The following ZNF197 variants were observed in gnomAD, a reference collection of about 807,000 sequenced individuals.
The protein encoded by ZNF197 is zinc finger protein 197, also known as VHL-associated KRAB-A domain-containing protein.
Under a neutral mutation model 27.4 loss-of-function variants are expected in ZNF197, and 14 were observed. The observed-to-expected ratio is 0.51, with a 90% CI of 0.34 to 0.80. ZNF197 has a LOEUF of 0.80. ZNF197 is among the 30% of genes least tolerant of loss of function. ZNF197 has a pLI of 0.02. For missense variants in ZNF197, 1,090 were observed against 1,222.6 expected (o/e 0.89, Z 1.62); for synonymous variants, 415 against 420.0 (o/e 0.99, Z 0.15).
chr3:44,628,453 G>C (rs1234689085), intron 1 of ZNF197, among the ~76,000 whole-genome samples: 1 of 152,136 alleles, frequency 6.6e-6, no homozygotes, highest in Non-Finnish European at 1.5e-5. Context: ...AGAATTAAAG[G>C]CATGTAGAGC....
Position 44,643,885 on chromosome 3 carries a change from G to A in ZNF197, c.2755G>A (p.Val919Ile). Reference protein sequence around the residue: ...KDFSQNKNLVVHQRMHTGEKP... With the variant: ...KDFSQNKNLVIHQRMHTGEKP... ...CTTTAGTCAGAATAAAAACCTTGTT[G>A]TACATCAGAGAATGCACACTGGGGA... The change falls in exon 6 of 6, where the codon GTA becomes ATA. Residue 919 changes from valine to isoleucine, a missense_variant. Coordinates refer to ENST00000344387, the MANE Select transcript of ZNF197 (RefSeq NM_006991.5). 6.2e-7 allele frequency: 1 copy of A among 1,613,758 alleles called. No homozygotes were observed. The highest frequency in any genetic ancestry group is 8.5e-7 in the Non-Finnish European group (1 of 1,179,918).
intron 3 of ZNF197, among the ~76,000 whole-genome samples, chr3:44,631,854 C>T (rs1702025712): frequency 1.3e-5 from 2 of 152,140 alleles, no homozygotes; most frequent in South Asian, 4.1e-4. Context: ...GCACGTGCCA[C>T]CACGCCCAGC....
Position 44,644,488 on chromosome 3 carries a change from A to C in ZNF197, c.*268A>C, listed in dbSNP as rs1702835629. ...ACCCCATCTCTACTAAAATACAAAA[A>C]TTATCCGGGCATGGGGGCACACACC... On this transcript the variant is annotated 3_prime_UTR_variant, in exon 6 of 6. Coordinates refer to ENST00000344387, the MANE Select transcript of ZNF197 (RefSeq NM_006991.5). 1.2e-6 allele frequency: 1 copy of C among 868,802 alleles called. No individual in the cohort carries two copies. 53.8% of individuals were successfully genotyped at this position (868,802 alleles called of 1,614,324 possible).
Position 44,647,343 on chromosome 3 carries a change from T to C in ZNF197, c.*3123T>C, listed in dbSNP as rs1245562021. Reference sequence around the variant, plus strand: ...AAGGATGAAGAGAAACAGGATCTCATACATTGCTGGGAATGTAAAATGGTA... The same window carrying C: ...AAGGATGAAGAGAAACAGGATCTCACACATTGCTGGGAATGTAAAATGGTA... On this transcript the variant is annotated 3_prime_UTR_variant, in exon 6 of 6. Transcript: ENST00000344387. The C allele has an allele frequency of 1.3e-5, 2 of 152,084 alleles. No homozygotes were observed. Among genetic ancestry groups the C allele is most frequent in the African/African-American group, 2.4e-5 (1 of 41,432 alleles). 9.4% of individuals were successfully genotyped at this position (152,084 alleles called of 1,614,324 possible).
intron 5 of ZNF197, among the ~76,000 whole-genome samples, chr3:44,634,162 T>C (rs1702152758): frequency 6.6e-6 from 1 of 152,224 alleles, no homozygotes; most frequent in Non-Finnish European, 1.5e-5. Context: ...GCTAGGTAGA[T>C]GAAGAATACC....
In ZNF197 at chr3:44,640,045, C is replaced by T. The variant is rs923296075; in HGVS notation, c.770-1855C>T. Reference sequence around the variant, plus strand: ...GGCATGGATTAGGGCAGATGAAAGGCGGGGGGTGTCAGTGGTAGGAAAGCC... The same window carrying T: ...GGCATGGATTAGGGCAGATGAAAGGTGGGGGGTGTCAGTGGTAGGAAAGCC... On this transcript the variant is annotated intron_variant, in intron 5 of 5. Coordinates refer to ENST00000344387, the MANE Select transcript of ZNF197 (RefSeq NM_006991.5). The surrounding 1 kb of genome is among the most constrained non-coding windows in gnomAD (Gnocchi z 4.0). Among the ~76,000 whole-genome samples, 2 of 152,036 alleles carry T rather than the reference C, an allele frequency of 1.3e-5. No individual in the cohort carries two copies. The highest frequency in any genetic ancestry group is 2.9e-5 in the Non-Finnish European group (2 of 68,010).
chr3:44,634,076 C>T (rs1702147257), intron 5 of ZNF197, among the ~76,000 whole-genome samples: 1 of 152,138 alleles, frequency 6.6e-6, no homozygotes, highest in African/African-American at 2.4e-5. Flanking sequence ...ATTAAACTCC[C>T]ACAGAAAGAA....
In ZNF197 at chr3:44,642,803, G is replaced by A. The variant is rs767682599; in HGVS notation, c.1673G>A (p.Arg558Gln). 52 of 1,613,446 alleles carry A rather than the reference G, an allele frequency of 3.2e-5. No homozygotes were observed. The highest frequency in any genetic ancestry group is 5.0e-5 in the Admixed American group (3 of 59,920). The change falls in exon 6 of 6, where the codon CGA becomes CAA. Residue 558 changes from arginine (R) to glutamine (Q), a missense_variant. By Grantham distance (43) the Arg-to-Gln change is conservative (BLOSUM62 1). Coordinates refer to ENST00000344387, the MANE Select transcript of ZNF197 (RefSeq NM_006991.5). Reference sequence around the variant, plus strand: ...ACCACTTATCTTATTGACCATCAGCGACTCCACAGTGCAGAGAACCCTTAC... The same window carrying A: ...ACCACTTATCTTATTGACCATCAGCAACTCCACAGTGCAGAGAACCCTTAC... Reference protein sequence around the residue: ...AQTTYLIDHQRLHSAENPYKC... With the variant: ...AQTTYLIDHQQLHSAENPYKC...
Position 44,643,895 on chromosome 3 carries a change from G to C in ZNF197, c.2765G>C (p.Arg922Thr). The C allele has an allele frequency of 6.2e-7, 1 of 1,613,872 alleles. No individual in the cohort carries two copies. Among genetic ancestry groups the C allele is most frequent in the Non-Finnish European group, 8.5e-7 (1 of 1,179,936 alleles). The part of the protein sequence containing the change: ...SQNKNLVVHQ[R>T]MHTGEKPYEC... ...AATAAAAACCTTGTTGTACATCAGA[G>C]AATGCACACTGGGGAAAAACCTTAT... The change falls in exon 6 of 6, where the codon AGA becomes ACA. Residue 922 changes from arginine to threonine, a missense_variant. Coordinates refer to ENST00000344387, the MANE Select transcript of ZNF197 (RefSeq NM_006991.5).
In ZNF197 at chr3:44,645,804, G is replaced by A. The variant is rs1185266343; in HGVS notation, c.*1584G>A. On this transcript the variant is annotated 3_prime_UTR_variant, in exon 6 of 6. Transcript: ENST00000344387. ...TGGAGCCAAGCTCTTCACTGATTAA[G>A]CCAGTGCAGAATCCACTTGTGGGCA... The A allele has an allele frequency of 1.0e-6, 1 of 985,288 alleles. No homozygotes were observed. The highest frequency in any genetic ancestry group is 1.2e-6 in the Non-Finnish European group (1 of 829,942). The allele number at this position is 985,288 out of a possible 1,614,324, so 61.0% of individuals were successfully genotyped here.
rs994810969 is a variant in ZNF197 at position 44,642,188 on chromosome 3, T to C, written c.1058T>C (p.Phe353Ser). Residue 353 changes from phenylalanine (F) to serine (S), a missense_variant, in exon 6 of 6, where the codon TTC becomes TCC. Physicochemically the swap from Phe to Ser is radical, Grantham distance 155 (BLOSUM62 -2). Coordinates refer to ENST00000344387, the MANE Select transcript of ZNF197 (RefSeq NM_006991.5). Reference sequence around the variant, plus strand: ...AAGGAATTAGGAGACAGCTTGACTTTCGGTTCAGCTATTTCTGAAAGTTTA... The same window carrying C: ...AAGGAATTAGGAGACAGCTTGACTTCCGGTTCAGCTATTTCTGAAAGTTTA... ...KWKELGDSLT[F>S]GSAISESLIG... 6.2e-7 allele frequency: 1 copy of C among 1,614,178 alleles called. No individual in the cohort carries two copies. Among genetic ancestry groups the C allele is most frequent in the African/African-American group, 1.3e-5 (1 of 75,066 alleles).
At chr3:44,636,821 C>T (rs1455434198) in intron 5 of ZNF197, among the ~76,000 whole-genome samples, 3 of 152,178 alleles carry the variant, frequency 2.0e-5, no homozygotes, top group South Asian at 2.1e-4. Flanking sequence ...ACACTCCTTC[C>T]AGCAGCGTAT....
At chr3:44,633,030 G>T (rs2125803451) in intron 5 of ZNF197, among the ~76,000 whole-genome samples, 1 of 152,062 alleles carries the variant, frequency 6.6e-6, no homozygotes, top group East Asian at 1.9e-4. Context: ...ATTTTTAGAG[G>T]TACAATTACT....
At chr3:44,635,840 G>C (rs1233220876) in intron 5 of ZNF197, among the ~76,000 whole-genome samples, 1 of 152,162 alleles carries the variant, frequency 6.6e-6, no homozygotes, top group Non-Finnish European at 1.5e-5. Flanking sequence ...TGGAAGGATT[G>C]GGACAGTGGG....
intron 5 of ZNF197, among the ~76,000 whole-genome samples, chr3:44,636,525 TC>T (rs1702299102): frequency 6.6e-6 from 1 of 152,328 alleles, no homozygotes; most frequent in Admixed American, 6.5e-5. Flanking sequence ...GCATAGTATT[TC>T]TAAGGCTCAT....
intron 4 of ZNF197, 60 bp from the exon 5 acceptor site, chr3:44,632,413 G>C: frequency 6.5e-7 from 1 of 1,543,170 alleles, no homozygotes; most frequent in Non-Finnish European, 8.7e-7. Context: ...GAAGTGAAGG[G>C]AACCTTTCGA....
chr3:44,639,600 G>T (rs1702487760), intron 5 of ZNF197, among the ~76,000 whole-genome samples: 1 of 151,258 alleles, frequency 6.6e-6, no homozygotes, highest in Admixed American at 6.6e-5. Flanking sequence ...CATCTAAGTT[G>T]TCTTAATTTA....
chr3:44,630,992 G>T, intron 2 of ZNF197, 70 bp from the exon 3 acceptor site: 1 of 1,603,572 alleles, frequency 6.2e-7, no homozygotes, highest in Non-Finnish European at 8.5e-7. Context: ...GCAGAAAGAG[G>T]TCCACAGTGC....
Position 44,645,340 on chromosome 3 carries a change from A to G in ZNF197, c.*1120A>G, listed in dbSNP as rs190786565. 5.8e-4 allele frequency: 567 copies of G among 985,146 alleles called. 1 individual carries two copies. The African/African-American group carries it at 8.8e-3, about 15-fold the overall frequency. The allele number at this position is 985,146 out of a possible 1,614,324, so 61.0% of individuals were successfully genotyped here. A position where few individuals can be genotyped will look rare whatever the true frequency, so the allele number is the denominator to read the frequency against. On this transcript the variant is annotated 3_prime_UTR_variant, in exon 6 of 6. Coordinates refer to ENST00000344387, the MANE Select transcript of ZNF197 (RefSeq NM_006991.5). Reference sequence around the variant, plus strand: ...TCAATATTAGAATGAGGGGGATTCCAGGAACCTAAAAGATACTCATTTTCA... The same window carrying G: ...TCAATATTAGAATGAGGGGGATTCCGGGAACCTAAAAGATACTCATTTTCA...
Sources: gnomAD v4.1 joint callset for allele counts (sites outside exome capture counted in the v4.1 genomes callset) on GRCh38, gnomAD v4.1.1 for gene constraint, Gnocchi (gnomAD v3.1) non-coding constraint, MANE v1.5 for transcripts, NCBI Gene and HGNC (gene_info 2026-07-23, HGNC 2026-07-21) for gene names.